Variants in ACSS3 observed in about 807,000 individuals in gnomAD.
ACSS3 encodes acyl-CoA synthetase short-chain family member 3, mitochondrial.
Under a neutral mutation model 84.2 loss-of-function variants are expected in ACSS3, and 64 were observed. The observed-to-expected ratio is 0.76, with a 90% CI of 0.62 to 0.94. The LOEUF is 0.94. Among genes scored for constraint, ACSS3 ranks in the 40% least tolerant of loss-of-function variants. The pLI is 0.00. For missense variants in ACSS3, 815 were observed against 867.6 expected (o/e 0.94, Z 0.76); for synonymous variants, 317 against 310.1 (o/e 1.02, Z -0.23).
intron 2 of ACSS3, among the ~76,000 whole-genome samples, chr12:81,122,217 G>C (rs986548878): frequency 6.6e-6 from 1 of 151,914 alleles, no homozygotes; most frequent in East Asian, 1.9e-4. Flanking sequence ...AGGCAGGCAT[G>C]AGCCACCGCG....
intron 1 of ACSS3, among the ~76,000 whole-genome samples, chr12:81,083,612 G>A (rs1416980149): frequency 6.6e-6 from 1 of 151,504 alleles, no homozygotes; most frequent in African/African-American, 2.4e-5. Flanking sequence ...CGCTCACCTC[G>A]GCCTCCCAAA....
intron 3 of ACSS3, among the ~76,000 whole-genome samples, chr12:81,136,433 C>T (rs1885808258): frequency 6.6e-6 from 1 of 152,006 alleles, no homozygotes; most frequent in Admixed American, 6.6e-5. Context: ...AGGCTGTGTG[C>T]CGGGTTTGGC....
intron 5 of ACSS3, among the ~76,000 whole-genome samples, chr12:81,151,016 A>C (rs1402569200): frequency 2.0e-5 from 3 of 152,178 alleles, no homozygotes; most frequent in African/African-American, 7.2e-5. Flanking sequence ...GTTATGTCTT[A>C]TTGGGCCAAT....
At chr12:81,165,092 A>T (rs1436205528) in intron 7 of ACSS3, among the ~76,000 whole-genome samples, 3 of 152,212 alleles carry the variant, frequency 2.0e-5, no homozygotes. Flanking sequence ...TATAAAGCTG[A>T]TGCTAGCATC....
At chr12:81,241,033 C>T (rs772859834) in intron 13 of ACSS3, among the ~76,000 whole-genome samples, 5 of 136,660 alleles carry the variant, frequency 3.7e-5, no homozygotes, top group African/African-American at 1.3e-4. Context: ...CCCCTTCCTG[C>T]ATCCATGTGT....
chr12:81,152,322 C>A (rs896545815), intron 7 of ACSS3, among the ~76,000 whole-genome samples: 20 of 137,910 alleles, frequency 1.5e-4, no homozygotes, highest in African/African-American at 5.2e-4. Context: ...GAAGAACATA[C>A]AAAAACAAGC....
intron 1 of ACSS3, among the ~76,000 whole-genome samples, chr12:81,106,599 A>T (rs71466007): frequency 0.056 from 8,495 of 152,222 alleles, 349 homozygotes; most frequent in Middle Eastern, 0.1. Flanking sequence ...AAGGTTGGGG[A>T]CTGCTGATCT....
At chr12:81,218,454 A>G (rs893185135) in intron 10 of ACSS3, among the ~76,000 whole-genome samples, 1 of 152,202 alleles carries the variant, frequency 6.6e-6, no homozygotes, top group Admixed American at 6.5e-5. Context: ...TTCTAGGACA[A>G]TGGCTAGTTA....
At chr12:81,181,759 A>AAAAAAAAAAAAAG (rs2030948943) in intron 8 of ACSS3, among the ~76,000 whole-genome samples, 1 of 150,420 alleles carries the variant, frequency 6.6e-6, no homozygotes. Context: ...AAAAAAAAAA[A>AAAAAAAAAAAAAG]AAAAAAAAAG....
intron 9 of ACSS3, among the ~76,000 whole-genome samples, chr12:81,204,461 C>T (rs1037067639): frequency 6.6e-6 from 1 of 150,582 alleles, no homozygotes; most frequent in Non-Finnish European, 1.5e-5. Context: ...TCATTCATTC[C>T]TATTTGCTAT....
At chr12:81,112,712 GAGAA>G (rs1370207097) in intron 2 of ACSS3, among the ~76,000 whole-genome samples, 1 of 152,158 alleles carries the variant, frequency 6.6e-6, no homozygotes. Flanking sequence ...AGAGAAGACA[GAGAA>G]AGAAAGATTT....
intron 9 of ACSS3, among the ~76,000 whole-genome samples, chr12:81,212,076 G>T (rs905769374): frequency 6.6e-6 from 1 of 151,988 alleles, no homozygotes; most frequent in African/African-American, 2.4e-5. Context: ...TCTCAGGGAG[G>T]TCTTTCTTGT....
At chr12:81,126,034 A>G (rs1027865933) in intron 2 of ACSS3, among the ~76,000 whole-genome samples, 3 of 152,186 alleles carry the variant, frequency 2.0e-5, no homozygotes, top group African/African-American at 7.2e-5. Flanking sequence ...ACATTTTTCA[A>G]TTATTACACA....
In ACSS3 at chr12:81,223,874, G is replaced by A. The variant is rs531878661; in HGVS notation, c.1514+3798G>A. Among the ~76,000 whole-genome samples, 11 of 152,008 alleles carry A rather than the reference G, an allele frequency of 7.2e-5. No individual in the cohort carries two copies. The South Asian group carries it at 2.3e-3, about 32-fold the overall frequency. On this transcript the variant is annotated intron_variant, in intron 11 of 15. Coordinates refer to ENST00000548058, the MANE Select transcript of ACSS3 (RefSeq NM_024560.4). ...TGAAAAATAGACCATCTTTTATCTA[G>A]GATAGGAGGCATCTAGGAGTGTAAT...
At chr12:81,187,215 G>A (rs2031315748) in intron 8 of ACSS3, among the ~76,000 whole-genome samples, 1 of 151,680 alleles carries the variant, frequency 6.6e-6, no homozygotes, top group African/African-American at 2.4e-5. Flanking sequence ...TTGGAAGAAA[G>A]GGGAAATGAA....
chr12:81,090,554 A>G (rs1272835556), intron 1 of ACSS3, among the ~76,000 whole-genome samples: 1 of 152,028 alleles, frequency 6.6e-6, no homozygotes, highest in Non-Finnish European at 1.5e-5. Flanking sequence ...GATTTTTTAT[A>G]TAAATTGCAG....
At chr12:81,152,700 A>T (rs564337342) in intron 7 of ACSS3, among the ~76,000 whole-genome samples, 1 of 152,318 alleles carries the variant, frequency 6.6e-6, no homozygotes, top group African/African-American at 2.4e-5. Flanking sequence ...CTTAGAAAAC[A>T]TACCTATCAG....
intron 8 of ACSS3, among the ~76,000 whole-genome samples, chr12:81,181,602 A>G (rs949120286): frequency 6.6e-6 from 1 of 152,144 alleles, no homozygotes; most frequent in Non-Finnish European, 1.5e-5. Flanking sequence ...TCTTAAGAAA[A>G]CCAAGAGAGA....
intron 12 of ACSS3, 141 bp downstream of exon 12, chr12:81,231,279 G>C (rs907646160): frequency 1.6e-6 from 1 of 612,468 alleles, no homozygotes; most frequent in East Asian, 2.9e-5. Flanking sequence ...AGCTCCCAGG[G>C]ATAAGAATGC....
Sources: allele counts gnomAD v4.1 joint callset (sites outside exome capture counted in the v4.1 genomes callset), GRCh38; gene constraint gnomAD v4.1.1; transcripts MANE v1.5; gene names NCBI Gene and HGNC (gene_info 2026-07-23, HGNC 2026-07-21).